Variants in INTS13 observed in about 807,000 individuals in gnomAD.
The protein encoded by INTS13 is integrator complex subunit 13.
In INTS13, 35 loss-of-function variants were observed where a neutral mutation model predicts 90.2. That is an observed-to-expected ratio of 0.39 (90% CI 0.30 to 0.51). The LOEUF is 0.51. Ranked by LOEUF, INTS13 falls within the 20% of genes least tolerant of loss-of-function variation. The pLI is 0.80. For missense variants in INTS13, 601 were observed against 851.2 expected (o/e 0.71, Z 3.66); for synonymous variants, 309 against 277.1 (o/e 1.11, Z -1.14).
chr12:26,930,979 CTGAG>C (rs1263541810), intron 3 of INTS13, among the ~76,000 whole-genome samples: 1 of 152,182 alleles, frequency 6.6e-6, no homozygotes, highest in Non-Finnish European at 1.5e-5. Context: ...TCAAAGCCTA[CTGAG>C]TGAATTACCT....
At chr12:26,934,684 C>A in intron 2 of INTS13, 54 bp from the exon 3 acceptor site, 1 of 1,259,668 alleles carries the variant, frequency 7.9e-7, no homozygotes, top group Non-Finnish European at 1.2e-6. Context: ...ACTCAATCAC[C>A]AACATATTTT....
chr12:26,927,052 C>T (rs1359432897), intron 5 of INTS13, among the ~76,000 whole-genome samples: 3 of 152,232 alleles, frequency 2.0e-5, no homozygotes, highest in South Asian at 2.1e-4. Flanking sequence ...GGGTGGTACA[C>T]CCCAACTCCA....
intron 5 of INTS13, among the ~76,000 whole-genome samples, chr12:26,926,176 C>T (rs1225730779): frequency 1.3e-5 from 2 of 152,036 alleles, no homozygotes; most frequent in South Asian, 2.1e-4. Context: ...ATTAATTTCC[C>T]TTATACTAAT....
chr12:26,936,168 A>G (rs1012984372), intron 2 of INTS13, among the ~76,000 whole-genome samples: 2 of 152,200 alleles, frequency 1.3e-5, no homozygotes, highest in African/African-American at 2.4e-5. Flanking sequence ...CGGATCTGCA[A>G]CAGGGAAGCA....
intron 15 of INTS13, among the ~76,000 whole-genome samples, chr12:26,907,788 C>T (rs1161990385): frequency 1.3e-5 from 2 of 152,080 alleles, no homozygotes; most frequent in African/African-American, 2.4e-5. Context: ...GGACCTTTCA[C>T]CCAAGAAGAC....
chr12:26,927,400 T>C (rs543469154), intron 5 of INTS13, among the ~76,000 whole-genome samples: 2 of 152,266 alleles, frequency 1.3e-5, no homozygotes, highest in African/African-American at 2.4e-5. Flanking sequence ...TTCACAGAGT[T>C]GGAGAATTGG....
rs2137432403 is a variant in INTS13, at chr12:26,913,532, C to T, written c.1730G>A (p.Arg577Lys). Residue 577 changes from arginine (R) to lysine (K), a missense_variant, in exon 14 of 17, where the codon AGG becomes AAG. Arg to Lys is a conservative substitution (Grantham distance 26). Coordinates refer to ENST00000261191, the MANE Select transcript of INTS13 (RefSeq NM_018164.3). ...EEERKKRGRK[R>K]EDKEDKSEKA... Reference sequence around the variant, plus strand: ...CTCTGACTTGTCCTCTTTGTCTTCCCTCTTTCTTCCTCGTTTCTTTCGTTC... The same window carrying T: ...CTCTGACTTGTCCTCTTTGTCTTCCTTCTTTCTTCCTCGTTTCTTTCGTTC... 1 of 1,614,092 alleles carries T rather than the reference C, an allele frequency of 6.2e-7. No individual in the cohort carries two copies. Among genetic ancestry groups the T allele is most frequent in the East Asian group, 2.2e-5 (1 of 44,870 alleles).
chr12:26,906,475 AGAAT>A, intron 15 of INTS13, 38 bp from the exon 16 acceptor site: 1 of 1,571,238 alleles, frequency 6.4e-7, no homozygotes, highest in Non-Finnish European at 8.6e-7. Flanking sequence ...AAAAAAAGAT[AGAAT>A]AATTTATTAT....
intron 8 of INTS13, among the ~76,000 whole-genome samples, chr12:26,919,289 G>T (rs1278219218): frequency 6.6e-6 from 1 of 152,180 alleles, no homozygotes; most frequent in African/African-American, 2.4e-5. Context: ...TATTAGATCT[G>T]TGTGGCTGAA....
At chr12:26,915,387 T>C (rs1951902528) in intron 11 of INTS13, among the ~76,000 whole-genome samples, 1 of 152,192 alleles carries the variant, frequency 6.6e-6, no homozygotes, top group Non-Finnish European at 1.5e-5. Context: ...ATTAGGCTTC[T>C]CCTTATTTAA....
At chr12:26,935,841 G>A (rs1433332550) in intron 2 of INTS13, among the ~76,000 whole-genome samples, 1 of 152,132 alleles carries the variant, frequency 6.6e-6, no homozygotes, top group African/African-American at 2.4e-5. Context: ...CCAGCGCTTC[G>A]AGTAAGACAG....
At chr12:26,932,098 A>AC (rs1938227077) in intron 3 of INTS13, among the ~76,000 whole-genome samples, 1 of 151,734 alleles carries the variant, frequency 6.6e-6, no homozygotes, top group South Asian at 2.1e-4. Context: ...AAAAAAAAAA[A>AC]AAAAAAACAC....
chr12:26,922,832 G>T, intron 7 of INTS13, 132 bp from the exon 8 acceptor site: 1 of 511,358 alleles, frequency 2.0e-6, no homozygotes, highest in Non-Finnish European at 3.4e-6. Flanking sequence ...AAAATAATGG[G>T]ATAATCTATT....
In INTS13 at chr12:26,914,417, G is replaced by A. The variant is rs375774879; in HGVS notation, c.1410C>T (p.Asn470=). The A allele has an allele frequency of 6.6e-5, 106 of 1,612,518 alleles. No homozygotes were observed. Among genetic ancestry groups the A allele is most frequent in the African/African-American group, 5.1e-4 (38 of 74,968 alleles). ...PMIISQTTIF[N]MQAVVPLASV... is the part of the protein sequence containing the mutation. ...GCTACTTAACACTTACCGCTTGCAT[G>A]TTAAAAATGGTGGTTTGTGAAATGA... The change falls in exon 12 of 17, where the codon AAC becomes AAT. Residue 470 remains asparagine (N), a synonymous_variant. Coordinates refer to ENST00000261191, the MANE Select transcript of INTS13 (RefSeq NM_018164.3).
chr12:26,910,024 C>T (rs10771311), intron 15 of INTS13, among the ~76,000 whole-genome samples: 92,269 of 151,972 alleles, frequency 0.61, 28,462 homozygotes, highest in East Asian at 0.95. Context: ...AAGCCTAGAA[C>T]GATTTCAGGA....
chr12:26,911,553 A>T (rs1323023956), intron 14 of INTS13, among the ~76,000 whole-genome samples: 1 of 152,188 alleles, frequency 6.6e-6, no homozygotes, highest in Non-Finnish European at 1.5e-5. Context: ...TTAGCTGTAA[A>T]ATATAAAAAA....
At chr12:26,924,782 A>G (rs969543393) in intron 6 of INTS13, among the ~76,000 whole-genome samples, 1 of 152,208 alleles carries the variant, frequency 6.6e-6, no homozygotes, top group Non-Finnish European at 1.5e-5. Context: ...ATATTTAAAT[A>G]TATTTCTTTA....
Position 26,914,096 on chromosome 12 carries a change from T to C in INTS13, c.1452A>G (p.Glu484=). 1 of 1,606,954 alleles carries C rather than the reference T, an allele frequency of 6.2e-7. No homozygotes were observed. Among genetic ancestry groups the C allele is most frequent in the South Asian group, 1.1e-5 (1 of 89,132 alleles). ...VVPLASVIVK[E]SLTEEDVLNC... ...TTAACACATCTTCTTCTGTCAGAGA[T>C]TCTTTCACAATAACACTGGCTAATG... Residue 484 remains glutamate (E), a synonymous_variant, in exon 13 of 17, where the codon GAA becomes GAG. Coordinates refer to ENST00000261191, the MANE Select transcript of INTS13 (RefSeq NM_018164.3).
chr12:26,921,582 C>G (rs950360766), intron 8 of INTS13, among the ~76,000 whole-genome samples: 32 of 152,196 alleles, frequency 2.1e-4, no homozygotes, highest in Non-Finnish European at 4.4e-4. Context: ...CTTCTCAAAG[C>G]TGTTACAGTA....
Sources: allele counts gnomAD v4.1 joint callset (sites outside exome capture counted in the v4.1 genomes callset), GRCh38; gene constraint gnomAD v4.1.1; transcripts MANE v1.5; gene names NCBI Gene and HGNC (gene_info 2026-07-23, HGNC 2026-07-21).